Variants in PER1 observed in about 807,000 individuals in gnomAD.
PER1 encodes the protein period circadian regulator 1, also known as period circadian protein homolog 1.
Under a neutral mutation model 125.9 loss-of-function variants are expected in PER1, and 87 were observed. The ratio of observed to expected loss-of-function variants is 0.69; its 90% CI spans 0.58 to 0.83. The LOEUF (loss-of-function observed/expected upper bound fraction) is 0.83. Among genes scored for constraint, PER1 ranks in the 40% least tolerant of loss-of-function variants. The pLI is 0.00. For missense variants in PER1, 1,775 were observed against 1,722.8 expected, an observed-to-expected ratio of 1.03 and a Z score of -0.54; for synonymous variants, 801 against 714.7, an observed-to-expected ratio of 1.12 and a Z score of -1.93.
chr17:8,141,297 G>A lies in PER1; in HGVS notation c.3644C>T (p.Pro1215Leu). 2 of 1,613,700 alleles carry A rather than the reference G, an allele frequency of 1.2e-6. No homozygotes were observed. Among genetic ancestry groups the A allele is most frequent in the Non-Finnish European group, 1.7e-6 (2 of 1,179,820 alleles). Residue 1215 changes from proline to leucine, a missense_variant, in exon 23 of 23, where the codon CCT becomes CTT. Coordinates refer to ENST00000317276, the MANE Select transcript of PER1 (RefSeq NM_002616.3). The stretch of plus-strand genomic sequence containing the variant: ...CAGCTCTGAGAAGAGTGGGTCATCA[G>A]GGTGACCAGGATCTTGGGTGCTGCT... ...CGSSTQDPGH[P>L]DDPLFSELDG...
chr17:8,140,989 C>T lies in PER1; in HGVS notation c.*79G>A. ...GGCAGTTTCCCACTGGTTGGTCTAG[C>T]CACATCTGAGTTCTGAGAATTGGGA... On this transcript the variant is annotated 3_prime_UTR_variant, in exon 23 of 23. Coordinates refer to ENST00000317276, the MANE Select transcript of PER1 (RefSeq NM_002616.3). 1 of 1,492,254 alleles carries T rather than the reference C, an allele frequency of 6.7e-7. No individual in the cohort carries two copies. Among genetic ancestry groups the T allele is most frequent in the East Asian group, 2.3e-5 (1 of 43,980 alleles). The allele number at this position is 1,492,254 out of a possible 1,614,324, so 92.4% of individuals were successfully genotyped here.
At chr17:8,151,487 G>A (rs764270992) in intron 1 of PER1, among the ~76,000 whole-genome samples, 1 of 152,136 alleles carries the variant, frequency 6.6e-6, no homozygotes, top group South Asian at 2.1e-4. Context: ...TCCCAGGATG[G>A]CTCGGTGGCC....
At chr17:8,147,960 G>A (rs542473663) in intron 10 of PER1, 37 bp downstream of exon 10, 35 of 1,593,472 alleles carry the variant, frequency 2.2e-5, no homozygotes, top group South Asian at 4.5e-5. Flanking sequence ...AAAAGCCCAG[G>A]ACAGTGGGAA....
rs377085589 is a variant in PER1 at position 8,149,832 on chromosome 17, G to T, written c.574C>A (p.Pro192Thr). The change falls in exon 5 of 23, where the codon CCT becomes ACT. Residue 192 changes from proline (P) to threonine (T), a missense_variant. By Grantham distance (38) the Pro-to-Thr change is conservative (BLOSUM62 -1). Transcript: ENST00000317276. ...TAGGTGGACATGTCCATGGAGCAAG[G>T]CTCGCCCTCCTCCAGGCTCCACTGC... Reference protein sequence around the residue: ...YQQWSLEEGEPCSMDMSTYTL... With the variant: ...YQQWSLEEGETCSMDMSTYTL... The T allele has an allele frequency of 3.1e-6, 5 of 1,614,032 alleles. No homozygotes were observed. The South Asian group carries it at 5.5e-5, about 18-fold the overall frequency.
At position 8,148,758 on chromosome 17, in the gene PER1, G is replaced by C; in HGVS notation, c.934C>G (p.Arg312Gly). ...RGGPDRDPGPRYQPFRLTPYV... is the reference protein window; with the variant it reads ...RGGPDRDPGPGYQPFRLTPYV... ...GGGGTTAGGCGGAATGGCTGGTACC[G>C]AGGCCCTGGATCCCGGTCAGGACCT... Residue 312 changes from arginine to glycine, a missense_variant, in exon 8 of 23, where the codon CGG becomes GGG. Physicochemically the swap from Arg to Gly is moderately radical, Grantham distance 125 (BLOSUM62 -2). Coordinates refer to ENST00000317276, the MANE Select transcript of PER1 (RefSeq NM_002616.3). 1 of 1,613,736 alleles carries C rather than the reference G, an allele frequency of 6.2e-7. No homozygotes were observed. The highest frequency in any genetic ancestry group is 1.1e-5 in the South Asian group (1 of 91,022).
In PER1 at chr17:8,141,142, C is replaced by T; in HGVS notation, c.3799G>A (p.Ala1267Thr). The part of the protein sequence containing the change: ...GAKASSSQDL[A>T]MEEEEEGRSS... Reference sequence around the variant, plus strand: ...CTGCCTTCTTCCTCCTCCTCCATAGCCAAGTCCTGAGAGCTTGAAGCCTTG... The same window carrying T: ...CTGCCTTCTTCCTCCTCCTCCATAGTCAAGTCCTGAGAGCTTGAAGCCTTG... Residue 1267 changes from alanine to threonine, a missense_variant, in exon 23 of 23, where the codon GCT (alanine) becomes ACT (threonine). Transcript: ENST00000317276. 1 of 1,614,170 alleles carries T rather than the reference C, an allele frequency of 6.2e-7. No individual in the cohort carries two copies. The highest frequency in any genetic ancestry group is 1.6e-4 in the Middle Eastern group (1 of 6,062).
At chr17:8,143,225 G>T in intron 19 of PER1, 41 bp downstream of exon 19, 1 of 1,347,414 alleles carries the variant, frequency 7.4e-7, no homozygotes, top group Non-Finnish European at 9.9e-7. Flanking sequence ...GGGCGGGGCT[G>T]GGGTGGGGGC....
chr17:8,140,749 C>A lies in PER1; in HGVS notation c.*319G>T. ...AAGTGCAGCCCCAACCCTCAAGAGTCAGATTCAGGCTCAGCTGGAATATGG... is the reference window on the plus strand; with the variant it reads ...AAGTGCAGCCCCAACCCTCAAGAGTAAGATTCAGGCTCAGCTGGAATATGG... On this transcript the variant is annotated 3_prime_UTR_variant, in exon 23 of 23. Coordinates refer to ENST00000317276, the MANE Select transcript of PER1 (RefSeq NM_002616.3). The A allele has an allele frequency of 9.3e-6, 3 of 322,080 alleles. No homozygotes were observed. Among genetic ancestry groups the A allele is most frequent in the Non-Finnish European group, 1.8e-5 (3 of 171,130 alleles). The allele number at this position is 322,080 out of a possible 1,614,324, so 20.0% of individuals were successfully genotyped here.
chr17:8,141,750 TCC>T, intron 22 of PER1, 53 bp downstream of exon 22: 1 of 1,564,932 alleles, frequency 6.4e-7, no homozygotes, highest in Non-Finnish European at 8.7e-7. Context: ...TTCTTTTTTC[TCC>T]CCCTTGAACT....
At chr17:8,151,417 G>T (rs1026588021) in intron 1 of PER1, among the ~76,000 whole-genome samples, 1 of 152,110 alleles carries the variant, frequency 6.6e-6, no homozygotes, top group Non-Finnish European at 1.5e-5. Flanking sequence ...TGGGGGAACG[G>T]CCCACTCTCA....
intron 17 of PER1, 46 bp from the exon 18 acceptor site, chr17:8,145,039 G>A (rs367715277): frequency 3.1e-5 from 45 of 1,431,052 alleles, no homozygotes; most frequent in African/African-American, 1.4e-4. Context: ...CACTTCAGGG[G>A]TCAACACATC....
At chr17:8,145,216 C>CCCTCCAGTGG (rs753632662) in intron 17 of PER1, 14 of 403,384 alleles carry the variant, frequency 3.5e-5, no homozygotes, top group Non-Finnish European at 5.6e-5. Context: ...ATACTCAGGC[C>CCCTCCAGTGG]CCTCCAGTGG....
chr17:8,144,011 G>T (rs570492881), intron 18 of PER1, 135 bp from the exon 19 acceptor site: 1 of 1,349,324 alleles, frequency 7.4e-7, no homozygotes. Flanking sequence ...CACACAGAAC[G>T]GGGGACTCAG....
chr17:8,149,745 C>T lies in PER1; in HGVS notation c.651+10G>A, dbSNP rs367979229. ...GTGCGTCGGGATGCAGAGGCCAGGC[C>T]GCCGCTGACCTGGTTCTGAAGTGTG... On this transcript the variant is annotated intron_variant, in intron 5 of 22. Coordinates refer to ENST00000317276, the MANE Select transcript of PER1 (RefSeq NM_002616.3). 11 of 1,612,476 alleles carry T rather than the reference C, an allele frequency of 6.8e-6. No individual in the cohort carries two copies. The highest frequency in any genetic ancestry group is 5.3e-5 in the African/African-American group (4 of 74,916).
Position 8,143,578 on chromosome 17 carries a change from G to C in PER1, c.2760C>G (p.Ala920=), listed in dbSNP as rs1425719962. 1 of 1,467,812 alleles carries C rather than the reference G, an allele frequency of 6.8e-7. No individual in the cohort carries two copies. The highest frequency in any genetic ancestry group is 9.1e-7 in the Non-Finnish European group (1 of 1,104,250). 90.9% of individuals were successfully genotyped at this position (1,467,812 alleles called of 1,614,324 possible). The change falls in exon 19 of 23, where the codon GCC becomes GCG. Residue 920 remains alanine, a synonymous_variant. Transcript: ENST00000317276. ...GGAACAGATAGTTAGGGAGCACCAA[G>C]GCCACCATTGGGGTCACCAAAGGGG... The part of the protein sequence containing the change: ...FPAPLVTPMV[A]LVLPNYLFPT...
Position 8,146,405 on chromosome 17 carries a change from T to C in PER1, c.2005A>G (p.Arg669Gly). 1 of 1,612,718 alleles carries C rather than the reference T, an allele frequency of 6.2e-7. No homozygotes were observed. The highest frequency in any genetic ancestry group is 8.5e-7 in the Non-Finnish European group (1 of 1,179,300). The change falls in exon 16 of 23, where the codon AGG (arginine) becomes GGG (glycine). Residue 669 changes from arginine (R) to glycine (G), a missense_variant. Coordinates refer to ENST00000317276, the MANE Select transcript of PER1 (RefSeq NM_002616.3). Reference sequence around the variant, plus strand: ...GTCCCCACAGAGACTGGACCTGTCCTCTGCCTGTCGTCGTCAGAGGCTGAG... The same window carrying C: ...GTCCCCACAGAGACTGGACCTGTCCCCTGCCTGTCGTCGTCAGAGGCTGAG... Reference protein sequence around the residue: ...TSSASDDDRQRTGPVSVGTKK... With the variant: ...TSSASDDDRQGTGPVSVGTKK...
At chr17:8,145,480 C>T (rs955221821) in intron 17 of PER1, among the ~76,000 whole-genome samples, 7 of 152,042 alleles carry the variant, frequency 4.6e-5, no homozygotes, top group East Asian at 1.9e-4. Flanking sequence ...CGCGCCACCA[C>T]GCCCGGCTAA....
rs773011157 is a variant in PER1, at chr17:8,149,580, C to T, written c.735G>A (p.Lys245=). Residue 245 remains lysine (K), a synonymous_variant, in exon 6 of 23, where the codon AAG becomes AAA. Transcript: ENST00000317276. ...AGCGGGTACCCCGGAACACGTCCCG[C>T]TTGCAACGCAGCAGGACGGCTGCCT... ...SEQAAVLLRC[K]RDVFRGTRFS... 2 of 1,613,926 alleles carry T rather than the reference C, an allele frequency of 1.2e-6. No homozygotes were observed. Among genetic ancestry groups the T allele is most frequent in the Non-Finnish European group, 1.7e-6 (2 of 1,179,882 alleles).
At chr17:8,149,076 C>T in intron 7 of PER1, 183 bp downstream of exon 7, 2 of 645,756 alleles carry the variant, frequency 3.1e-6, no homozygotes, top group Non-Finnish European at 5.4e-6. Flanking sequence ...GTAATCCCAG[C>T]TACTTGGGAG....
Sources: allele counts gnomAD v4.1 joint callset (sites outside exome capture counted in the v4.1 genomes callset), GRCh38; gene constraint gnomAD v4.1.1; transcripts MANE v1.5; gene names NCBI Gene and HGNC (gene_info 2026-07-23, HGNC 2026-07-21).